The following RBFOX1 variants were observed in gnomAD, a reference collection of about 807,000 sequenced individuals.
RBFOX1 encodes the protein RNA binding protein fox-1 homolog 1.
RBFOX1 carries 8 observed loss-of-function variants against 57.7 expected under a neutral mutation model. That is an observed-to-expected ratio of 0.14 (90% CI 0.08 to 0.25). The LOEUF (loss-of-function observed/expected upper bound fraction) is 0.25, where lower values mean the gene tolerates loss of function less well. Among genes scored for constraint, RBFOX1 ranks in the 10% least tolerant of loss-of-function variants. The probability of loss-of-function intolerance (pLI) is 1.00; values close to 1 mark genes in which losing one functional copy is unlikely to be tolerated. For missense variants in RBFOX1, 611 were observed against 548.5 expected (o/e 1.11, Z -1.14); for synonymous variants, 326 against 222.4 (o/e 1.47, Z -4.15).
At chr16:7,292,919 C>G (rs1032955731) in intron 4 of RBFOX1, among the ~76,000 whole-genome samples, 3 of 152,000 alleles carry the variant, frequency 2.0e-5, no homozygotes, top group African/African-American at 4.8e-5. Context: ...TGTTGCCGAG[C>G]TTTTAAGGAG....
chr16:6,311,279 G>A (rs1344543889), intron 1 of RBFOX1, among the ~76,000 whole-genome samples: 1 of 114,920 alleles, frequency 8.7e-6, no homozygotes, highest in Non-Finnish European at 1.6e-5. Context: ...CTGGGTGACA[G>A]TACGAGACTC....
chr16:5,701,415 C>G (rs114754464), intron 3 of RBFOX1, among the ~76,000 whole-genome samples: 1,581 of 152,244 alleles, frequency 0.01, 31 homozygotes, highest in African/African-American at 0.036. Context: ...AAGGAGTGCT[C>G]TCTAGCCAGC....
At chr16:6,977,951 A>AAAAAAAAAAT (rs2087545758) in intron 3 of RBFOX1, among the ~76,000 whole-genome samples, 1 of 149,926 alleles carries the variant, frequency 6.7e-6, no homozygotes, top group Non-Finnish European at 1.5e-5. Context: ...AAAAAAAAAA[A>AAAAAAAAAAT]GGCAAACCTC....
At chr16:7,140,157 C>T (rs9745505) in intron 4 of RBFOX1, among the ~76,000 whole-genome samples, 1,535 of 70,618 alleles carry the variant, frequency 0.022, 51 homozygotes, top group African/African-American at 0.047. Context: ...TCCTTCTCTC[C>T]CTCTCTCTCT....
chr16:6,140,883 G>A (rs1019302322), intron 1 of RBFOX1, among the ~76,000 whole-genome samples: 1 of 152,130 alleles, frequency 6.6e-6, no homozygotes, highest in African/African-American at 2.4e-5. Context: ...CTTTTAATCT[G>A]AGTGCTGTGC....
intron 2 of RBFOX1, among the ~76,000 whole-genome samples, chr16:6,344,499 G>GCC (rs1022027580): frequency 8.6e-5 from 12 of 139,690 alleles, no homozygotes; most frequent in African/African-American, 3.0e-4. Context: ...CCGGGTTCAC[G>GCC]CCATTCTCCT....
chr16:7,122,939 C>G (rs2067529462), intron 4 of RBFOX1, among the ~76,000 whole-genome samples: 1 of 152,024 alleles, frequency 6.6e-6, no homozygotes, highest in Non-Finnish European at 1.5e-5. Flanking sequence ...GAGAAGGAAG[C>G]CAGTCTCAAA....
At chr16:7,115,062 T>A (rs2065590885) in intron 4 of RBFOX1, among the ~76,000 whole-genome samples, 1 of 152,202 alleles carries the variant, frequency 6.6e-6, no homozygotes, top group African/African-American at 2.4e-5. Flanking sequence ...GAGTTTGTGT[T>A]TGAAAAATAT....
chr16:6,529,723 C>G (rs1567571536), intron 2 of RBFOX1, among the ~76,000 whole-genome samples: 1 of 152,112 alleles, frequency 6.6e-6, no homozygotes, highest in Non-Finnish European at 1.5e-5. Flanking sequence ...ATAGACTCCA[C>G]AACACGTACG....
intron 4 of RBFOX1, among the ~76,000 whole-genome samples, chr16:7,169,934 A>G (rs2080347809): frequency 6.6e-6 from 1 of 152,108 alleles, no homozygotes; most frequent in South Asian, 2.1e-4. Flanking sequence ...ATAGCTGGGC[A>G]TGGTGACACA....
chr16:5,497,624 A>C (rs1201557923), intron 2 of RBFOX1, among the ~76,000 whole-genome samples: 2 of 136,574 alleles, frequency 1.5e-5, no homozygotes, highest in East Asian at 2.0e-4. Flanking sequence ...TAAAAATACA[A>C]AAAAAAAAAA....
intron 2 of RBFOX1, among the ~76,000 whole-genome samples, chr16:6,599,598 C>T (rs190351039): frequency 6.6e-6 from 1 of 152,126 alleles, no homozygotes; most frequent in Non-Finnish European, 1.5e-5. Context: ...TTGATTTTCC[C>T]CCGTGTAAAT....
At chr16:5,780,942 C>G (rs372866408) in intron 3 of RBFOX1, among the ~76,000 whole-genome samples, 3 of 152,318 alleles carry the variant, frequency 2.0e-5, no homozygotes, top group South Asian at 2.1e-4. Context: ...TCCAAAGTGA[C>G]AATTCCAGTG....
chr16:6,775,193 C>T (rs1408913232), intron 3 of RBFOX1, among the ~76,000 whole-genome samples: 4 of 149,964 alleles, frequency 2.7e-5, no homozygotes, highest in African/African-American at 9.9e-5. Context: ...AAAAGTTAGC[C>T]TGGTGTGGTT....
intron 3 of RBFOX1, among the ~76,000 whole-genome samples, chr16:6,894,171 G>C (rs1452786776): frequency 6.6e-6 from 1 of 152,154 alleles, no homozygotes; most frequent in African/African-American, 2.4e-5. Context: ...TCTCTTGTCT[G>C]TCTGTCTGTC....
chr16:7,258,310 A>G (rs1391753991), intron 4 of RBFOX1, among the ~76,000 whole-genome samples: 3 of 152,184 alleles, frequency 2.0e-5, no homozygotes, highest in Non-Finnish European at 4.4e-5. Flanking sequence ...TATTTTATAC[A>G]TTAAAATGAG....
intron 3 of RBFOX1, among the ~76,000 whole-genome samples, chr16:6,843,459 C>A (rs892325463): frequency 6.6e-6 from 1 of 152,020 alleles, no homozygotes; most frequent in African/African-American, 2.4e-5. Context: ...GAGGCTGAGG[C>A]GGGCAGATCA....
At chr16:6,575,066 C>T (rs2097410375) in intron 2 of RBFOX1, among the ~76,000 whole-genome samples, 1 of 149,840 alleles carries the variant, frequency 6.7e-6, no homozygotes, top group Non-Finnish European at 1.5e-5. Flanking sequence ...AAAAAAACAG[C>T]ATCCAGGAAT....
At position 5,899,194 on chromosome 16, in the gene RBFOX1, G is replaced by C. The variant is rs1297500644; in HGVS notation, c.351+31859G>C. 2.0e-5 allele frequency among the ~76,000 whole-genome samples: 3 copies of C among 150,022 alleles called. No homozygotes were observed. The South Asian group carries it at 6.3e-4, about 32-fold the overall frequency. On this transcript the variant is annotated intron_variant, in intron 4 of 19. Coordinates refer to the RBFOX1 transcript ENST00000641259. ...GGCTACTGACTATCCACTGTAGCAG[G>C]ATGCAAGACACTCTTCAGGTGTTGA...
Sources: allele counts gnomAD v4.1 joint callset (sites outside exome capture counted in the v4.1 genomes callset), GRCh38; gene constraint gnomAD v4.1.1; transcripts MANE v1.5; gene names NCBI Gene and HGNC (gene_info 2026-07-23, HGNC 2026-07-21).